Variants in TAFA4 observed in about 807,000 individuals in gnomAD.
TAFA4 encodes the protein TAFA chemokine like family member 4, also known as chemokine-like protein TAFA-4.
In TAFA4, 20 loss-of-function variants were observed where a neutral mutation model predicts 21.1. That is an observed-to-expected ratio of 0.95 (90% CI 0.67 to 1.38). The LOEUF is 1.38. TAFA4 is among the 40% of genes most tolerant of loss of function. The pLI is 0.00. For missense variants in TAFA4, 211 were observed against 180.9 expected, an observed-to-expected ratio of 1.17 and a Z score of -0.95; for synonymous variants, 71 against 67.4, an observed-to-expected ratio of 1.05 and a Z score of -0.26.
chr3:68,828,901 C>A (rs1704314714), intron 3 of TAFA4, among the ~76,000 whole-genome samples: 1 of 152,174 alleles, frequency 6.6e-6, no homozygotes, highest in South Asian at 2.1e-4. Flanking sequence ...CTGGCCAGAA[C>A]CTCCAATACT....
intron 3 of TAFA4, among the ~76,000 whole-genome samples, chr3:68,869,528 T>C (rs1464346478): frequency 6.6e-6 from 1 of 152,060 alleles, no homozygotes; most frequent in South Asian, 2.1e-4. Flanking sequence ...ATAATCAATG[T>C]CATCCCAGGG....
chr3:68,751,142 G>A (rs1702551051), intron 4 of TAFA4, among the ~76,000 whole-genome samples: 1 of 152,202 alleles, frequency 6.6e-6, no homozygotes, highest in African/African-American at 2.4e-5. Flanking sequence ...GAAATGAAAA[G>A]AAATGGGAAG....
chr3:68,829,937 T>G (rs1704342858), intron 3 of TAFA4, among the ~76,000 whole-genome samples: 1 of 152,184 alleles, frequency 6.6e-6, no homozygotes, highest in Non-Finnish European at 1.5e-5. Context: ...TGTCGAGGAA[T>G]TTATCCATTT....
At chr3:68,891,495 C>A (rs896172985) in intron 1 of TAFA4, among the ~76,000 whole-genome samples, 2 of 152,150 alleles carry the variant, frequency 1.3e-5, no homozygotes, top group African/African-American at 2.4e-5. Context: ...TGGGATCTAC[C>A]GGGATAGCCT....
rs139751547 is a variant in TAFA4 at position 68,780,349 on chromosome 3, A to C, written c.131-27331T>G. The stretch of plus-strand genomic sequence containing the variant: ...GCATGATTGGTTTTGAAATGTGAGG[A>C]CATGAGAATTGCGGGGGAGCCAGAG... On this transcript the variant is annotated intron_variant, in intron 3 of 5. Coordinates refer to ENST00000295569, the MANE Select transcript of TAFA4 (RefSeq NM_182522.5). Among the ~76,000 whole-genome samples, 10 of 152,282 alleles carry C rather than the reference A, an allele frequency of 6.6e-5. No homozygotes were observed. In the East Asian group the frequency reaches 1.9e-3, roughly 29 times the overall value.
chr3:68,876,270 C>T (rs1468822903), intron 3 of TAFA4, among the ~76,000 whole-genome samples: 2 of 152,192 alleles, frequency 1.3e-5, no homozygotes, highest in Admixed American at 6.5e-5. Flanking sequence ...TGCAAAATTA[C>T]ATGTGGCTCT....
At chr3:68,759,562 T>G (rs775461502) in intron 3 of TAFA4, among the ~76,000 whole-genome samples, 10 of 152,070 alleles carry the variant, frequency 6.6e-5, no homozygotes, top group Non-Finnish European at 1.5e-4. Context: ...GTAAATTCAC[T>G]TAAAACAAAG....
At chr3:68,813,357 C>T (rs747052537) in intron 3 of TAFA4, among the ~76,000 whole-genome samples, 13 of 151,936 alleles carry the variant, frequency 8.6e-5, no homozygotes, top group Non-Finnish European at 1.8e-4. Context: ...CACAGAGAAC[C>T]CTTCAAAAAC....
chr3:68,913,013 T>A (rs984781055), intron 1 of TAFA4, among the ~76,000 whole-genome samples: 3 of 152,216 alleles, frequency 2.0e-5, no homozygotes, highest in African/African-American at 7.2e-5. Flanking sequence ...CCAACTGGGT[T>A]ATACTATTAG....
intron 3 of TAFA4, among the ~76,000 whole-genome samples, chr3:68,778,377 A>G (rs1191274914): frequency 6.6e-6 from 1 of 152,222 alleles, no homozygotes; most frequent in Non-Finnish European, 1.5e-5. Context: ...GAATGTATCT[A>G]ATACCAGAGT....
intron 3 of TAFA4, among the ~76,000 whole-genome samples, chr3:68,880,056 AACACAC>A (rs34023286): frequency 2.0e-5 from 3 of 149,902 alleles, no homozygotes; most frequent in South Asian, 2.1e-4. Context: ...AAAGGACAGA[AACACAC>A]ACACACACAC....
chr3:68,927,893 C>CAAAAAAAAAA (rs1209770129), intron 1 of TAFA4, among the ~76,000 whole-genome samples: 1 of 123,508 alleles, frequency 8.1e-6, no homozygotes, highest in African/African-American at 2.9e-5. Flanking sequence ...GACACCATCT[C>CAAAAAAAAAA]AAAAAAAAAA....
At chr3:68,850,468 A>AT in intron 3 of TAFA4, among the ~76,000 whole-genome samples, 1 of 152,312 alleles carries the variant, frequency 6.6e-6, no homozygotes, top group Non-Finnish European at 1.5e-5. Flanking sequence ...AGGAATCACA[A>AT]TACTGTCTTC....
intron 3 of TAFA4, among the ~76,000 whole-genome samples, chr3:68,793,691 G>C (rs1575610865): frequency 6.6e-6 from 1 of 152,170 alleles, no homozygotes; most frequent in East Asian, 1.9e-4. Flanking sequence ...TTAAAAAGGA[G>C]CTGCCATTTT....
intron 3 of TAFA4, among the ~76,000 whole-genome samples, chr3:68,865,267 T>G (rs2089400899): frequency 6.6e-6 from 1 of 152,092 alleles, no homozygotes; most frequent in Admixed American, 6.6e-5. Context: ...TTTATTTTTT[T>G]TTTAATTTTT....
chr3:68,775,526 A>T (rs985711549), intron 3 of TAFA4, among the ~76,000 whole-genome samples: 4 of 152,180 alleles, frequency 2.6e-5, no homozygotes, highest in African/African-American at 9.6e-5. Context: ...CAAGTATTGA[A>T]CTTATTCACA....
chr3:68,770,321 G>C (rs879352001), intron 3 of TAFA4, among the ~76,000 whole-genome samples: 6 of 152,212 alleles, frequency 3.9e-5, no homozygotes, highest in African/African-American at 1.2e-4. Context: ...GGGTAGAAAA[G>C]TTTGTGACAG....
At chr3:68,792,940 GGTAAAAA>G (rs1703390061) in intron 3 of TAFA4, among the ~76,000 whole-genome samples, 1 of 152,084 alleles carries the variant, frequency 6.6e-6, no homozygotes, top group Non-Finnish European at 1.5e-5. Context: ...TCTACACAAA[GGTAAAAA>G]GCCTTCTTAT....
chr3:68,845,172 T>G (rs1704756430), intron 3 of TAFA4, among the ~76,000 whole-genome samples: 1 of 152,164 alleles, frequency 6.6e-6, no homozygotes, highest in Non-Finnish European at 1.5e-5. Flanking sequence ...CTCTAAGAAC[T>G]GCTTTATGGA....
Sources: allele counts gnomAD v4.1 joint callset (sites outside exome capture counted in the v4.1 genomes callset), GRCh38; gene constraint gnomAD v4.1.1; transcripts MANE v1.5; gene names NCBI Gene and HGNC (gene_info 2026-07-23, HGNC 2026-07-21).